MAN1A1: variants seen among roughly 807,000 people sequenced by gnomAD.
MAN1A1 encodes mannosidase alpha class 1A member 1, also known as mannosyl-oligosaccharide 1,2-alpha-mannosidase IA.
In MAN1A1, 29 loss-of-function variants were observed where a neutral mutation model predicts 70.8. The ratio of observed to expected loss-of-function variants is 0.41; its 90% CI spans 0.31 to 0.56. MAN1A1 has a LOEUF of 0.56. MAN1A1 is among the 20% of genes least tolerant of loss of function. The pLI is 0.29. For missense variants in MAN1A1, 747 were observed against 841.3 expected (o/e 0.89, Z 1.39); for synonymous variants, 349 against 330.1 (o/e 1.06, Z -0.62).
intron 2 of MAN1A1, among the ~76,000 whole-genome samples, chr6:119,310,957 T>A (rs571712445): frequency 4.9e-4 from 74 of 152,336 alleles, no homozygotes; most frequent in African/African-American, 1.8e-3. Context: ...GCTTCTCATT[T>A]ACTGAGGAGT....
intron 4 of MAN1A1, among the ~76,000 whole-genome samples, chr6:119,299,598 A>G (rs1442843852): frequency 7.8e-6 from 1 of 128,000 alleles, no homozygotes; most frequent in Non-Finnish European, 1.8e-5. Flanking sequence ...ACTAAAATAA[A>G]AATTTAAATA....
chr6:119,186,743 G>A (rs3819724), intron 11 of MAN1A1, among the ~76,000 whole-genome samples: 19,526 of 152,144 alleles, frequency 0.13, 1,420 homozygotes, highest in South Asian at 0.28. Flanking sequence ...GCATATGCGG[G>A]GCTGCTGCTG....
chr6:119,349,700 C>T lies in MAN1A1; in HGVS notation c.-381G>A, dbSNP rs1209560938. On this transcript the variant is annotated 5_prime_UTR_variant, in exon 1 of 13. Transcript: ENST00000368468. ...GGCTCAGGTGGGCGAGCGCGCCGAC[C>T]TGCGGGCGAATGGCAGCGAGTAGAG... 3.0e-6 allele frequency: 3 copies of T among 985,726 alleles called. No individual in the cohort carries two copies. The highest frequency in any genetic ancestry group is 5.2e-4 in the Middle Eastern group (1 of 1,936). 61.1% of individuals were successfully genotyped at this position (985,726 alleles called of 1,614,324 possible).
At chr6:119,187,706 C>T (rs9387640) in intron 11 of MAN1A1, among the ~76,000 whole-genome samples, 57,913 of 152,142 alleles carry the variant, frequency 0.38, 11,378 homozygotes, top group East Asian at 0.64. Context: ...AATTCCCTCC[C>T]ACTCCTTGAG....
chr6:119,260,649 T>C (rs1775581945), intron 5 of MAN1A1, among the ~76,000 whole-genome samples: 1 of 152,218 alleles, frequency 6.6e-6, no homozygotes, highest in Non-Finnish European at 1.5e-5. Context: ...TTTATCTTTT[T>C]TTCATTTAGA....
Position 119,307,001 on chromosome 6 carries a change from A to T in MAN1A1, c.604-9T>A, listed in dbSNP as rs766484328. The T allele has an allele frequency of 5.2e-6, 8 of 1,530,642 alleles. No individual in the cohort carries two copies. In the African/African-American group the frequency reaches 8.2e-5, roughly 16 times the overall value. The allele number at this position is 1,530,642 out of a possible 1,614,324, so 94.8% of individuals were successfully genotyped here. ...CAAGCATGTTTCATCATCTGAAAAA[A>T]AAAATAAAAACAGGATTATAATTTG... is the stretch of plus-strand genomic sequence containing the variant. On this transcript the variant is annotated splice_polypyrimidine_tract_variant and intron_variant, in intron 2 of 12. Coordinates refer to ENST00000368468, the MANE Select transcript of MAN1A1 (RefSeq NM_005907.4).
At chr6:119,283,560 G>T (rs1411631681) in intron 5 of MAN1A1, among the ~76,000 whole-genome samples, 2 of 151,904 alleles carry the variant, frequency 1.3e-5, no homozygotes, top group Non-Finnish European at 2.9e-5. Flanking sequence ...AGTGAAGGTG[G>T]GGAGGGGGTG....
chr6:119,237,623 A>G (rs1246589579), intron 6 of MAN1A1, among the ~76,000 whole-genome samples: 1 of 152,110 alleles, frequency 6.6e-6, no homozygotes, highest in Admixed American at 6.5e-5. Flanking sequence ...TGATTTCAGG[A>G]AATCTGGATG....
intron 5 of MAN1A1, among the ~76,000 whole-genome samples, chr6:119,287,306 C>T (rs944363821): frequency 2.0e-5 from 3 of 152,066 alleles, no homozygotes; most frequent in African/African-American, 7.2e-5. Flanking sequence ...ATTTCTATGT[C>T]CTATTACATT....
chr6:119,336,781 C>G (rs1016468603), intron 2 of MAN1A1, among the ~76,000 whole-genome samples: 1 of 152,054 alleles, frequency 6.6e-6, no homozygotes, highest in African/African-American at 2.4e-5. Context: ...ATTAAGACAC[C>G]TTTATCTCTC....
intron 6 of MAN1A1, among the ~76,000 whole-genome samples, chr6:119,218,195 C>G (rs916384370): frequency 4.0e-5 from 6 of 151,874 alleles, no homozygotes; most frequent in African/African-American, 1.5e-4. Flanking sequence ...TGATTTTAGT[C>G]ATGTTTTGGG....
At chr6:119,325,441 TGA>T (rs1199179897) in intron 2 of MAN1A1, among the ~76,000 whole-genome samples, 1 of 152,180 alleles carries the variant, frequency 6.6e-6, no homozygotes, top group Non-Finnish European at 1.5e-5. Flanking sequence ...GTGGATCACT[TGA>T]GGTCAGAAGT....
At chr6:119,180,073 T>C in intron 12 of MAN1A1, 128 bp from the exon 13 acceptor site, 3 of 1,020,578 alleles carry the variant, frequency 2.9e-6, no homozygotes, top group South Asian at 3.0e-5. Context: ...GAGTCAAATA[T>C]ATCAAAACCC....
At chr6:119,277,829 C>A (rs9489652) in intron 5 of MAN1A1, among the ~76,000 whole-genome samples, 6,217 of 146,022 alleles carry the variant, frequency 0.043, 146 homozygotes, top group African/African-American at 0.055. Context: ...CCCAGCTACT[C>A]GGGAGGCTGA....
intron 5 of MAN1A1, among the ~76,000 whole-genome samples, chr6:119,285,921 C>T (rs1460219832): frequency 6.6e-6 from 1 of 152,092 alleles, no homozygotes; most frequent in Non-Finnish European, 1.5e-5. Context: ...AATAGCAAAA[C>T]CAGATTGCTG....
chr6:119,235,214 C>T (rs1046984609), intron 6 of MAN1A1, among the ~76,000 whole-genome samples: 1 of 152,160 alleles, frequency 6.6e-6, no homozygotes, highest in African/African-American at 2.4e-5. Flanking sequence ...TGCCTCTCAC[C>T]TTAAATCAAA....
chr6:119,343,285 A>T (rs769314415), intron 2 of MAN1A1, among the ~76,000 whole-genome samples: 3 of 152,114 alleles, frequency 2.0e-5, no homozygotes, highest in African/African-American at 2.4e-5. Flanking sequence ...TTAGGAGACA[A>T]ACCATGTGGG....
chr6:119,233,746 G>T (rs1256631740), intron 6 of MAN1A1, among the ~76,000 whole-genome samples: 1 of 152,204 alleles, frequency 6.6e-6, no homozygotes, highest in East Asian at 1.9e-4. Context: ...ACACACAAGA[G>T]ATGCTAGAGA....
At chr6:119,204,985 T>G in intron 6 of MAN1A1, 103 bp from the exon 7 acceptor site, 1 of 1,170,150 alleles carries the variant, frequency 8.5e-7, no homozygotes, top group South Asian at 1.5e-5. Context: ...AAAGGCATCC[T>G]AGCTAATAGT....
Sources: allele counts gnomAD v4.1 joint callset (sites outside exome capture counted in the v4.1 genomes callset), GRCh38; gene constraint gnomAD v4.1.1; transcripts MANE v1.5; gene names NCBI Gene and HGNC (gene_info 2026-07-23, HGNC 2026-07-21).